FBXL2: variants seen among roughly 807,000 people sequenced by gnomAD.
The protein encoded by FBXL2 is F-box/LRR-repeat protein 2.
In FBXL2, 38 loss-of-function variants were observed where a neutral mutation model predicts 69.2. That is an observed-to-expected ratio of 0.55 (90% CI 0.42 to 0.72). The LOEUF (loss-of-function observed/expected upper bound fraction) is 0.72, where lower values mean the gene tolerates loss of function less well. Among genes scored for constraint, FBXL2 ranks in the 30% least tolerant of loss-of-function variants. The pLI is 0.00. For synonymous variants in FBXL2, 192 were observed against 201.3 expected, an observed-to-expected ratio of 0.95 and a Z score of 0.39; for missense variants, 354 against 520.3, an observed-to-expected ratio of 0.68 and a Z score of 3.11.
intron 2 of FBXL2, among the ~76,000 whole-genome samples, chr3:33,324,076 CAT>C (rs1406591214): frequency 1.3e-5 from 2 of 152,092 alleles, no homozygotes; most frequent in Admixed American, 6.5e-5. Context: ...AGCTTTTTTT[CAT>C]ATGTTTGTTG....
At chr3:33,396,484 A>G in intron 12 of FBXL2, 1 of 508,796 alleles carries the variant, frequency 2.0e-6, no homozygotes, top group Non-Finnish European at 3.5e-6. Flanking sequence ...ATGATGATCC[A>G]GACTCTAAAC....
intron 11 of FBXL2, among the ~76,000 whole-genome samples, chr3:33,377,829 C>G (rs2042744917): frequency 6.6e-6 from 1 of 152,174 alleles, no homozygotes; most frequent in Non-Finnish European, 1.5e-5. Flanking sequence ...CTGCTGATGT[C>G]TGCGAGCCAC....
chr3:33,285,658 C>T (rs932171351), intron 1 of FBXL2, among the ~76,000 whole-genome samples: 15 of 152,278 alleles, frequency 9.9e-5, no homozygotes, highest in Admixed American at 7.8e-4. Flanking sequence ...TCCCATTCTC[C>T]GCATCACTTT....
the FBXL2 span, chr3:33,409,670 CTT>C: frequency 1.9e-6 from 3 of 1,584,604 alleles, no homozygotes; most frequent in East Asian, 2.2e-5. Flanking sequence ...TTTGTTCCCT[CTT>C]GAGTGACCTG....
chr3:33,282,631 C>T (rs2034155656), intron 1 of FBXL2, among the ~76,000 whole-genome samples: 1 of 152,076 alleles, frequency 6.6e-6, no homozygotes, highest in East Asian at 1.9e-4. Context: ...TGTAAATTAC[C>T]TTGGGCAGTA....
chr3:33,316,563 C>T (rs2037716098), intron 2 of FBXL2, among the ~76,000 whole-genome samples: 1 of 152,188 alleles, frequency 6.6e-6, no homozygotes, highest in Non-Finnish European at 1.5e-5. Flanking sequence ...TCATCAGCTG[C>T]TGTTCTCACA....
the FBXL2 span, chr3:33,409,115 G>T: frequency 1.1e-6 from 1 of 952,106 alleles, no homozygotes; most frequent in Non-Finnish European, 1.6e-6. Flanking sequence ...ATTTCACAGA[G>T]AATAACATGT....
At chr3:33,315,949 G>C (rs1453043242) in intron 2 of FBXL2, among the ~76,000 whole-genome samples, 1 of 151,522 alleles carries the variant, frequency 6.6e-6, no homozygotes, top group African/African-American at 2.4e-5. Context: ...CGCCATTGTT[G>C]TTTAAGTGTT....
At chr3:33,397,199 A>T (rs1005272647) in intron 12 of FBXL2, 5 of 1,244,938 alleles carry the variant, frequency 4.0e-6, no homozygotes, top group Non-Finnish European at 5.6e-6. Flanking sequence ...CTTTACAGGC[A>T]TCTGTCTTCA....
chr3:33,277,336 G>T (rs1278887994), upstream of FBXL2: 3 of 485,494 alleles, frequency 6.2e-6, no homozygotes, highest in Middle Eastern at 5.1e-4. Context: ...CCGGGGGCGA[G>T]GGGTGGGCGG....
chr3:33,277,532 C>T lies in FBXL2; in HGVS notation c.3+17C>T. ...TCGGCCATGGTGAGTCTGGGACCCG[C>T]GTCTGCCTAGCTGCCCCGCCCTACC... On this transcript the variant is annotated intron_variant, in intron 1 of 14. Coordinates refer to ENST00000484457, the MANE Select transcript of FBXL2 (RefSeq NM_012157.5). 7.7e-7 allele frequency: 1 copy of T among 1,292,762 alleles called. No individual in the cohort carries two copies. The highest frequency in any genetic ancestry group is 1.5e-5 in the African/African-American group (1 of 65,422). 80.1% of individuals were successfully genotyped at this position (1,292,762 alleles called of 1,614,324 possible).
chr3:33,357,446 A>G (rs1040720727), intron 2 of FBXL2, among the ~76,000 whole-genome samples: 3 of 151,706 alleles, frequency 2.0e-5, no homozygotes, highest in Non-Finnish European at 4.4e-5. Context: ...AGATGTGTAG[A>G]TATCCTAAAA....
At chr3:33,326,012 T>C (rs1409640106) in intron 2 of FBXL2, among the ~76,000 whole-genome samples, 1 of 152,246 alleles carries the variant, frequency 6.6e-6, no homozygotes, top group Non-Finnish European at 1.5e-5. Flanking sequence ...GTCATTTTTC[T>C]CTCTTTAAAT....
intron 2 of FBXL2, among the ~76,000 whole-genome samples, chr3:33,312,298 G>A (rs1156601169): frequency 2.0e-5 from 3 of 152,014 alleles, no homozygotes; most frequent in African/African-American, 4.8e-5. Flanking sequence ...GCTCCAAGCA[G>A]TCCTCCTGCC....
rs140877703 is a variant in FBXL2, at chr3:33,384,150, C to T, written c.1113C>T (p.Leu371=). Residue 371 remains leucine (L), a synonymous_variant, in exon 14 of 15, where the codon CTC becomes CTT. Coordinates refer to ENST00000484457, the MANE Select transcript of FBXL2 (RefSeq NM_012157.5). ...HLENCRGLER[L]ELYDCQQVTR... is the part of the protein sequence containing the mutation. ...AGAACTGCCGAGGCCTGGAGCGCCT[C>T]GAGCTGTACGACTGCCAGCAGGTTA... The T allele has an allele frequency of 2.0e-5, 32 of 1,614,116 alleles. No individual in the cohort carries two copies. The highest frequency in any genetic ancestry group is 8.0e-5 in the African/African-American group (6 of 75,016).
downstream of FBXL2, chr3:33,390,217 A>C: frequency 9.4e-7 from 1 of 1,063,452 alleles, no homozygotes; most frequent in Non-Finnish European, 1.4e-6. Context: ...TTGTGTTTTC[A>C]ATATGAAACA....
intron 2 of FBXL2, among the ~76,000 whole-genome samples, chr3:33,357,880 CTTTGCTTTTCACTAGAAAATGAT>C (rs546776646): frequency 1.3e-4 from 20 of 152,184 alleles, no homozygotes; most frequent in Non-Finnish European, 2.8e-4. Flanking sequence ...TGCTTCTATC[CTTTGCTTTTCACTAGAAAATGAT>C]TGTAGCCTAT....
chr3:33,352,075 C>CCAAAA (rs2040865122), intron 2 of FBXL2, among the ~76,000 whole-genome samples: 1 of 151,786 alleles, frequency 6.6e-6, no homozygotes, highest in Non-Finnish European at 1.5e-5. Flanking sequence ...AATTTTAAGA[C>CCAAAA]TTAGTATAAA....
intron 12 of FBXL2, among the ~76,000 whole-genome samples, chr3:33,395,781 G>GAAAAAAAAA (rs2043965246): frequency 8.4e-6 from 1 of 119,042 alleles, no homozygotes; most frequent in African/African-American, 3.2e-5. Context: ...AAAGAAAAAG[G>GAAAAAAAAA]AAAGAAAAAC....
Sources: gnomAD v4.1 joint callset for allele counts (sites outside exome capture counted in the v4.1 genomes callset) on GRCh38, gnomAD v4.1.1 for gene constraint, MANE v1.5 for transcripts, NCBI Gene and HGNC (gene_info 2026-07-23, HGNC 2026-07-21) for gene names.